The following SORBS2 variants were observed in gnomAD, a reference collection of about 807,000 sequenced individuals.
SORBS2 encodes sorbin and SH3 domain-containing protein 2.
In SORBS2, 46 loss-of-function variants were observed where a neutral mutation model predicts 97.7. The observed-to-expected ratio is 0.47, with a 90% CI of 0.37 to 0.60. The LOEUF (loss-of-function observed/expected upper bound fraction) is 0.60. Ranked by LOEUF, SORBS2 falls within the 20% of genes least tolerant of loss-of-function variation. The pLI is 0.00. For synonymous variants in SORBS2, 476 were observed against 473.4 expected (o/e 1.01, Z -0.07); for missense variants, 1,316 against 1,282.3 (o/e 1.03, Z -0.40).
chr4:185,696,555 G>A (rs1356156879), intron 2 of SORBS2, among the ~76,000 whole-genome samples: 6 of 152,180 alleles, frequency 3.9e-5, no homozygotes, highest in African/African-American at 1.4e-4. Flanking sequence ...CCGGGGTCAA[G>A]TGATTCTCCT....
At chr4:185,952,791 G>T (rs1159290489) in intron 1 of SORBS2, among the ~76,000 whole-genome samples, 1 of 152,010 alleles carries the variant, frequency 6.6e-6, no homozygotes, top group Admixed American at 6.5e-5. Flanking sequence ...CCTTAGATTT[G>T]ATTTATTTTT....
intron 1 of SORBS2, among the ~76,000 whole-genome samples, chr4:185,934,287 A>G (rs180773048): frequency 1.1e-4 from 16 of 152,252 alleles, no homozygotes; most frequent in Admixed American, 3.9e-4. Context: ...TCATGGCGTG[A>G]CCTCTGTAAG....
Position 185,615,040 on chromosome 4 carries a change from C to T in SORBS2, c.2466+5G>A. The T allele has an allele frequency of 6.2e-7, 1 of 1,611,798 alleles. No individual in the cohort carries two copies. Among genetic ancestry groups the T allele is most frequent in the South Asian group, 1.1e-5 (1 of 91,042 alleles). ...CCATCCAAGAGAGAAAGGGAGAGGACCTACCTCTACGTATGAGATCGGGAA... is the reference window on the plus strand; with the variant it reads ...CCATCCAAGAGAGAAAGGGAGAGGATCTACCTCTACGTATGAGATCGGGAA... On this transcript the variant is annotated splice_donor_5th_base_variant and intron_variant, in intron 10 of 14. Transcript: ENST00000418609.
intron 2 of SORBS2, among the ~76,000 whole-genome samples, chr4:185,769,334 T>C (rs758591114): frequency 1.3e-5 from 2 of 152,198 alleles, no homozygotes; most frequent in Admixed American, 1.3e-4. Context: ...TTGTGTACAC[T>C]GAACCGTCAG....
chr4:185,856,599 C>G (rs2099220662), intron 1 of SORBS2, among the ~76,000 whole-genome samples: 2 of 152,064 alleles, frequency 1.3e-5, no homozygotes, highest in Non-Finnish European at 2.9e-5. Flanking sequence ...TTTTCCTTTA[C>G]TATGGCTATG....
rs2097897585 is a variant in SORBS2, at chr4:185,683,073, T to C, written c.-197-4251A>G. ...AAAAGGGATCTTACTTTACGTCTAATTGACACAAAAGAGGGCTGTTTTTAA... is the reference window on the plus strand; with the variant it reads ...AAAAGGGATCTTACTTTACGTCTAACTGACACAAAAGAGGGCTGTTTTTAA... On this transcript the variant is annotated intron_variant, in intron 2 of 20. Transcript: ENST00000284776. Among the ~76,000 whole-genome samples, 3 of 151,778 alleles carry C rather than the reference T, an allele frequency of 2.0e-5. 1 individual carries two copies. Among genetic ancestry groups the C allele is most frequent in the African/African-American group, 7.3e-5 (3 of 41,316 alleles).
At chr4:185,707,655 T>C (rs955622156) in intron 2 of SORBS2, among the ~76,000 whole-genome samples, 1 of 152,148 alleles carries the variant, frequency 6.6e-6, no homozygotes, top group African/African-American at 2.4e-5. Flanking sequence ...TACCCAAGAC[T>C]GGGTAATTTA....
At position 185,878,611 on chromosome 4, in the gene SORBS2, C is replaced by T. The variant is rs541933195; in HGVS notation, c.-338+77585G>A. 1.3e-3 allele frequency among the ~76,000 whole-genome samples: 197 copies of T among 152,290 alleles called. 2 individuals are homozygous for T. The highest frequency in any genetic ancestry group is 4.4e-3 in the African/African-American group (183 of 41,562). On this transcript the variant is annotated intron_variant, in intron 1 of 20. Coordinates refer to the SORBS2 transcript ENST00000284776. Reference sequence around the variant, plus strand: ...CATCACCTCCAATGCCAAGCCTCCACTCAAGCGGATCTGGTCTCTGTCCTG... The same window carrying T: ...CATCACCTCCAATGCCAAGCCTCCATTCAAGCGGATCTGGTCTCTGTCCTG...
In SORBS2 at chr4:185,607,418, A is replaced by C; in HGVS notation, c.2796+4362T>G. On this transcript the variant is annotated intron_variant, in intron 12 of 14. Coordinates refer to ENST00000418609, the Ensembl canonical transcript of SORBS2. This position sits in a 1 kb window ranked among gnomAD's most constrained non-coding sequence, Gnocchi z 5.2. Reference sequence around the variant, plus strand: ...AAGAAAATAATAATAATGCATCAAAACATAGCGATGGAGAAATGCAGAAAA... The same window carrying C: ...AAGAAAATAATAATAATGCATCAAACCATAGCGATGGAGAAATGCAGAAAA... 1.2e-6 allele frequency: 1 copy of C among 813,598 alleles called. No homozygotes were observed. Among genetic ancestry groups the C allele is most frequent in the Non-Finnish European group, 1.8e-6 (1 of 563,056 alleles). The allele number at this position is 813,598 out of a possible 1,614,324, so 50.4% of individuals were successfully genotyped here.
In SORBS2 at chr4:185,606,829, A is replaced by G; in HGVS notation, c.2796+4951T>C. ...GATGCCCTCATCTTCCTCTCCAATG[A>G]CCGGAAGGGGTACAGGCAAGGAACC... is the stretch of plus-strand genomic sequence containing the variant. On this transcript the variant is annotated intron_variant, in intron 12 of 14. Transcript: ENST00000418609. The surrounding 1 kb of genome is among the most constrained non-coding windows in gnomAD (Gnocchi z 4.3). 1 of 985,218 alleles carries G rather than the reference A, an allele frequency of 1.0e-6. No homozygotes were observed. Among genetic ancestry groups the G allele is most frequent in the Non-Finnish European group, 1.2e-6 (1 of 829,902 alleles). The allele number at this position is 985,218 out of a possible 1,614,324, so 61.0% of individuals were successfully genotyped here. A position where few individuals can be genotyped will look rare whatever the true frequency, so the allele number is the denominator to read the frequency against.
chr4:185,639,013 G>T (rs2097080356), intron 4 of SORBS2: 1 of 1,519,710 alleles, frequency 6.6e-7, no homozygotes, highest in South Asian at 1.3e-5. Flanking sequence ...TGGAACAGGT[G>T]TCGGAGTTGT....
chr4:185,831,252 G>C (rs1347730784), intron 1 of SORBS2, among the ~76,000 whole-genome samples: 2 of 152,192 alleles, frequency 1.3e-5, no homozygotes, highest in African/African-American at 4.8e-5. Context: ...TACAGGAGCA[G>C]ATTGCTCTGG....
intron 2 of SORBS2, among the ~76,000 whole-genome samples, chr4:185,741,405 T>C (rs1488056054): frequency 4.4e-5 from 1 of 22,688 alleles, no homozygotes; most frequent in African/African-American, 1.9e-4. Flanking sequence ...TTTTTTTTTG[T>C]TTTTTTTTTT....
At chr4:185,860,630 G>T (rs765720976) in intron 1 of SORBS2, among the ~76,000 whole-genome samples, 4 of 152,190 alleles carry the variant, frequency 2.6e-5, no homozygotes, top group Non-Finnish European at 5.9e-5. Flanking sequence ...TACCCAAGGT[G>T]GCTGGGCTAC....
intron 2 of SORBS2, among the ~76,000 whole-genome samples, chr4:185,759,539 A>G (rs1434369942): frequency 6.6e-6 from 1 of 152,212 alleles, no homozygotes; most frequent in Non-Finnish European, 1.5e-5. Context: ...AAATCTCATA[A>G]TAGTGAATGA....
chr4:185,601,803 C>T (rs1310009412), intron 12 of SORBS2, among the ~76,000 whole-genome samples: 2 of 151,904 alleles, frequency 1.3e-5, no homozygotes, highest in South Asian at 2.1e-4. Context: ...GAAAACCGTG[C>T]GCCGGGGATC....
At chr4:185,617,292 C>A (rs11947812) in intron 9 of SORBS2, among the ~76,000 whole-genome samples, 44 of 152,232 alleles carry the variant, frequency 2.9e-4, no homozygotes, top group African/African-American at 1.1e-3. Flanking sequence ...AGAAACAAAG[C>A]ATCTTATTTC....
intron 2 of SORBS2, among the ~76,000 whole-genome samples, chr4:185,705,094 A>C (rs774978041): frequency 6.6e-6 from 1 of 152,228 alleles, no homozygotes; most frequent in South Asian, 2.1e-4. Flanking sequence ...GCACACGTAC[A>C]CATGCTGTTG....
chr4:185,787,153 G>A (rs1232835155), intron 1 of SORBS2, among the ~76,000 whole-genome samples: 2 of 152,110 alleles, frequency 1.3e-5, no homozygotes, highest in African/African-American at 4.8e-5. Context: ...CAGGCTCCTT[G>A]AGGATAGGAT....
Sources: allele counts gnomAD v4.1 joint callset (sites outside exome capture counted in the v4.1 genomes callset), GRCh38; gene constraint gnomAD v4.1.1; non-coding constraint Gnocchi (gnomAD v3.1); transcripts MANE v1.5; gene names NCBI Gene and HGNC (gene_info 2026-07-23, HGNC 2026-07-21).